SYN3: variants seen among roughly 807,000 people sequenced by gnomAD.
SYN3 encodes synapsin III.
SYN3 carries 35 observed loss-of-function variants against 65.8 expected under a neutral mutation model. The observed-to-expected ratio is 0.53, with a 90% CI of 0.41 to 0.70. The LOEUF (loss-of-function observed/expected upper bound fraction) is 0.70. Ranked by LOEUF, SYN3 falls within the 30% of genes least tolerant of loss-of-function variation. SYN3 has a pLI of 0.00. For synonymous variants in SYN3, 270 were observed against 292.9 expected, an observed-to-expected ratio of 0.92 and a Z score of 0.80; for missense variants, 680 against 749.0, an observed-to-expected ratio of 0.91 and a Z score of 1.08.
At chr22:32,784,305 T>C (rs936101047) in intron 6 of SYN3, among the ~76,000 whole-genome samples, 10 of 152,214 alleles carry the variant, frequency 6.6e-5, no homozygotes, top group African/African-American at 1.7e-4. Context: ...TGAACAATCA[T>C]GTTACATGAG....
rs972639412 is a variant in SYN3 at position 32,518,117 on chromosome 22, G to T, written c.1536C>A (p.Pro512=). Residue 512 remains proline, a synonymous_variant, in exon 13 of 14, where the codon CCC becomes CCA. Coordinates refer to ENST00000358763, the MANE Select transcript of SYN3 (RefSeq NM_003490.4). Reference sequence around the variant, plus strand: ...GGGAGGTACTACGGCCCTGCACAGGGGGCCGGGGCTGTGAGGCGAGGGTGG... The same window carrying T: ...GGGAGGTACTACGGCCCTGCACAGGTGGCCGGGGCTGTGAGGCGAGGGTGG... ...PGATLASQPR[P]PVQGRSTSQQ... 1.9e-6 allele frequency: 3 copies of T among 1,596,480 alleles called. No homozygotes were observed. The highest frequency in any genetic ancestry group is 2.7e-5 in the African/African-American group (2 of 74,512).
chr22:32,650,687 G>C (rs1196270231), intron 6 of SYN3, among the ~76,000 whole-genome samples: 2 of 152,154 alleles, frequency 1.3e-5, no homozygotes, highest in Admixed American at 1.3e-4. Context: ...ACAAAGCCCA[G>C]GCTCACACAG....
At chr22:33,041,018 G>A (rs954645106) in intron 1 of SYN3, among the ~76,000 whole-genome samples, 4 of 149,496 alleles carry the variant, frequency 2.7e-5, no homozygotes, top group Non-Finnish European at 4.5e-5. Context: ...TGGTTCAAGC[G>A]ATTCTCCTGC....
intron 6 of SYN3, among the ~76,000 whole-genome samples, chr22:32,821,684 G>A (rs2047250552): frequency 6.6e-6 from 1 of 152,178 alleles, no homozygotes; most frequent in Admixed American, 6.5e-5. Flanking sequence ...CAGGTGGGGA[G>A]TGGGGGAAAG....
intron 6 of SYN3, chr22:32,784,931 T>G (rs2046154392): frequency 6.6e-6 from 1 of 152,228 alleles, no homozygotes; most frequent in African/African-American, 2.4e-5. Context: ...CACAAAGCAC[T>G]GGGCTGGATC....
At chr22:32,920,197 G>A (rs999833743) in intron 4 of SYN3, among the ~76,000 whole-genome samples, 1 of 152,206 alleles carries the variant, frequency 6.6e-6, no homozygotes, top group Non-Finnish European at 1.5e-5. Context: ...GCCTAATGCT[G>A]GAAACTGAGA....
rs573600116 is a variant in SYN3, at chr22:32,734,806, T to C, written c.711+130109A>G. On this transcript the variant is annotated intron_variant, in intron 6 of 13. Coordinates refer to ENST00000358763, the MANE Select transcript of SYN3 (RefSeq NM_003490.4). ...TGCTTACACTGGTTTCTACTACCTG[T>C]TATCCAGGAGTCCTTCCTAATACCC... Among the ~76,000 whole-genome samples the C allele has an allele frequency of 3.9e-5, 6 of 152,318 alleles. No homozygotes were observed. The South Asian group carries it at 1.2e-3, about 32-fold the overall frequency.
chr22:32,537,179 AAC>A (rs2044732357), intron 9 of SYN3, among the ~76,000 whole-genome samples: 1 of 151,584 alleles, frequency 6.6e-6, no homozygotes, highest in Non-Finnish European at 1.5e-5. Context: ...TTTTTTTTTA[AAC>A]AGAGTTTTGC....
At chr22:32,920,480 G>C (rs563308659) in intron 4 of SYN3, among the ~76,000 whole-genome samples, 1 of 152,134 alleles carries the variant, frequency 6.6e-6, no homozygotes, top group African/African-American at 2.4e-5. Flanking sequence ...TAAGCACCTC[G>C]AGCTGGCTGG....
chr22:32,674,988 C>T (rs2060420140), intron 6 of SYN3, among the ~76,000 whole-genome samples: 1 of 152,162 alleles, frequency 6.6e-6, no homozygotes, highest in Non-Finnish European at 1.5e-5. Flanking sequence ...CAGATGTACC[C>T]CTTGTCACAC....
intron 1 of SYN3, among the ~76,000 whole-genome samples, chr22:33,037,713 CTAACAGGCTTT>C (rs2053885251): frequency 6.6e-6 from 1 of 152,166 alleles, no homozygotes; most frequent in African/African-American, 2.4e-5. Flanking sequence ...GAGTCTAGAA[CTAACAGGCTTT>C]TAACTACCAC....
chr22:32,907,965 T>G (rs1373612763), intron 4 of SYN3, among the ~76,000 whole-genome samples: 2 of 152,244 alleles, frequency 1.3e-5, no homozygotes, highest in East Asian at 3.9e-4. Flanking sequence ...ATCATCCACA[T>G]TTTACAAATG....
chr22:32,723,710 A>G (rs932261376), intron 6 of SYN3, among the ~76,000 whole-genome samples: 3 of 152,266 alleles, frequency 2.0e-5, no homozygotes, highest in African/African-American at 7.2e-5. Flanking sequence ...GAGCGGAGTC[A>G]TTCGGCAAAA....
chr22:32,711,445 A>T (rs866635149), intron 6 of SYN3, among the ~76,000 whole-genome samples: 20 of 152,280 alleles, frequency 1.3e-4, no homozygotes, highest in Middle Eastern at 3.4e-3. Flanking sequence ...AGCCAAAGTG[A>T]TGGGGGAGAA....
At chr22:32,924,692 C>T (rs2050422531) in intron 4 of SYN3, among the ~76,000 whole-genome samples, 1 of 152,194 alleles carries the variant, frequency 6.6e-6, no homozygotes, top group Admixed American at 6.5e-5. Context: ...AGAGGCACTG[C>T]TATATTCATT....
intron 6 of SYN3, among the ~76,000 whole-genome samples, chr22:32,831,311 C>G (rs2047567179): frequency 6.6e-6 from 1 of 152,180 alleles, no homozygotes; most frequent in Non-Finnish European, 1.5e-5. Flanking sequence ...GATGGTGTCC[C>G]TGGGAATTGA....
chr22:32,833,294 T>C (rs201827724), intron 6 of SYN3, among the ~76,000 whole-genome samples: 2 of 152,208 alleles, frequency 1.3e-5, no homozygotes, highest in East Asian at 3.9e-4. Flanking sequence ...TCCTAATCTA[T>C]GAAAATATTT....
intron 6 of SYN3, among the ~76,000 whole-genome samples, chr22:32,844,646 T>C (rs1407207192): frequency 6.6e-6 from 1 of 152,214 alleles, no homozygotes; most frequent in Non-Finnish European, 1.5e-5. Context: ...TAGTTTCTTC[T>C]TAGATACTTT....
chr22:32,515,797 C>T (rs547115432), intron 13 of SYN3, among the ~76,000 whole-genome samples: 114 of 151,884 alleles, frequency 7.5e-4, no homozygotes, highest in Non-Finnish European at 1.2e-3. Context: ...ACTCGGTGCT[C>T]CAGGATTTTT....
Sources: gnomAD v4.1 joint callset for allele counts (sites outside exome capture counted in the v4.1 genomes callset) on GRCh38, gnomAD v4.1.1 for gene constraint, MANE v1.5 for transcripts, NCBI Gene and HGNC (gene_info 2026-07-23, HGNC 2026-07-21) for gene names.